Variants in TIAM1 observed in about 807,000 individuals in gnomAD.
The protein encoded by TIAM1 is rho guanine nucleotide exchange factor TIAM1.
Under a neutral mutation model 163.5 loss-of-function variants are expected in TIAM1, and 65 were observed. The observed-to-expected ratio is 0.40, with a 90% CI of 0.33 to 0.49. TIAM1 has a LOEUF of 0.49. Ranked by LOEUF, TIAM1 falls within the 20% of genes least tolerant of loss-of-function variation. The pLI is 0.77. For missense variants in TIAM1, 1,789 were observed against 2,044.7 expected (o/e 0.87, Z 2.41); for synonymous variants, 833 against 810.1 (o/e 1.03, Z -0.48).
chr21:31,227,970 T>G (rs2088087651), intron 6 of TIAM1, among the ~76,000 whole-genome samples: 1 of 151,808 alleles, frequency 6.6e-6, no homozygotes, highest in East Asian at 1.9e-4. Flanking sequence ...TGGCGCGATC[T>G]CAGTTCACTG....
At chr21:31,344,320 C>G (rs529395510), upstream of TIAM1, 1 of 152,154 alleles carries the variant, frequency 6.6e-6, no homozygotes, top group Admixed American at 6.6e-5. Flanking sequence ...GTTGGTCGCT[C>G]CTCCCTTCCT....
intron 2 of TIAM1, among the ~76,000 whole-genome samples, chr21:31,277,235 A>T (rs1485670797): frequency 6.6e-6 from 1 of 152,144 alleles, no homozygotes; most frequent in East Asian, 1.9e-4. Context: ...AAACCCACCA[A>T]AACCAAGATC....
chr21:31,174,204 G>A (rs1382515613), intron 15 of TIAM1, among the ~76,000 whole-genome samples: 2 of 152,172 alleles, frequency 1.3e-5, no homozygotes, highest in African/African-American at 4.8e-5. Flanking sequence ...CATCTCCATG[G>A]AACATCAGAC....
intron 15 of TIAM1, among the ~76,000 whole-genome samples, chr21:31,166,894 C>T (rs1160909321): frequency 1.3e-5 from 2 of 152,104 alleles, no homozygotes; most frequent in African/African-American, 2.4e-5. Context: ...CTCAGTGGGA[C>T]GTCCGGAGCA....
chr21:31,326,921 C>A (rs773313417), intron 2 of TIAM1, among the ~76,000 whole-genome samples: 1 of 152,184 alleles, frequency 6.6e-6, no homozygotes, highest in Admixed American at 6.5e-5. Flanking sequence ...GTTTACCACA[C>A]GCCACTTAAA....
chr21:31,423,387 C>T lies in TIAM1; in HGVS notation c.-369+40596G>A, dbSNP rs924584077. On this transcript the variant is annotated intron_variant, in intron 2 of 28. Transcript: ENST00000286827. ...CGCTGGGATTACAGGCGTGAGCCAC[C>T]GCGCCCAGCCTGGCACTATCTTGAA... Among the ~76,000 whole-genome samples the T allele has an allele frequency of 7.2e-5, 11 of 152,018 alleles. No homozygotes were observed. In the East Asian group the frequency reaches 1.4e-3, roughly 19 times the overall value.
At chr21:31,475,062 T>TTA (rs374227573) in intron 1 of TIAM1, among the ~76,000 whole-genome samples, 6,174 of 75,784 alleles carry the variant, frequency 0.081, 191 homozygotes, top group Non-Finnish European at 0.1. Context: ...ATTATTATTA[T>TTA]TTAGTTTTAG....
chr21:31,505,675 A>C (rs1162740145), intron 1 of TIAM1, among the ~76,000 whole-genome samples: 1 of 152,172 alleles, frequency 6.6e-6, no homozygotes, highest in Admixed American at 6.6e-5. Flanking sequence ...AGATGGAAAG[A>C]TCATCAAAGG....
intron 2 of TIAM1, among the ~76,000 whole-genome samples, chr21:31,375,869 A>T (rs1345602825): frequency 6.6e-6 from 1 of 152,048 alleles, no homozygotes; most frequent in East Asian, 1.9e-4. Context: ...TCTACTAAAA[A>T]TACAAAAATT....
chr21:31,310,035 T>G (rs1308331331), intron 2 of TIAM1, among the ~76,000 whole-genome samples: 1 of 152,202 alleles, frequency 6.6e-6, no homozygotes, highest in Admixed American at 6.5e-5. Context: ...CACTTCACCT[T>G]AAGATTAAGT....
At chr21:31,455,557 C>A (rs1051790573) in intron 2 of TIAM1, among the ~76,000 whole-genome samples, 12 of 151,978 alleles carry the variant, frequency 7.9e-5, no homozygotes, top group Non-Finnish European at 1.5e-4. Flanking sequence ...GGATTACAGG[C>A]ACCTGCCATG....
chr21:31,438,316 C>T (rs559062900), intron 2 of TIAM1, among the ~76,000 whole-genome samples: 3 of 150,726 alleles, frequency 2.0e-5, no homozygotes, highest in Non-Finnish European at 4.4e-5. Flanking sequence ...CTCAGCCTCC[C>T]AAGTAGCTGG....
At chr21:31,210,572 A>G (rs1026566555) in intron 10 of TIAM1, among the ~76,000 whole-genome samples, 1 of 121,708 alleles carries the variant, frequency 8.2e-6, no homozygotes, top group Non-Finnish European at 1.6e-5. Context: ...GAAAGAAAGA[A>G]AGAAAGAAAG....
intron 1 of TIAM1, among the ~76,000 whole-genome samples, chr21:31,498,943 C>G (rs910642570): frequency 9.7e-6 from 1 of 102,992 alleles, no homozygotes; most frequent in Admixed American, 1.5e-4. Flanking sequence ...GAGACTCCAT[C>G]AAAAGAAGAA....
intron 1 of TIAM1, among the ~76,000 whole-genome samples, chr21:31,510,447 G>A (rs374032446): frequency 1.3e-3 from 202 of 152,278 alleles, no homozygotes; most frequent in African/African-American, 4.7e-3. Flanking sequence ...ACATTCTGGC[G>A]TAATGAGGGT....
At chr21:31,443,769 T>C (rs1308194620) in intron 2 of TIAM1, among the ~76,000 whole-genome samples, 2 of 152,248 alleles carry the variant, frequency 1.3e-5, no homozygotes, top group South Asian at 2.1e-4. Flanking sequence ...GTTTCTACAA[T>C]GAGCCCTGAA....
intron 5 of TIAM1, among the ~76,000 whole-genome samples, chr21:31,247,546 A>C (rs2300345): frequency 0.26 from 39,550 of 151,380 alleles, 7,894 homozygotes; most frequent in African/African-American, 0.54. Flanking sequence ...AGGCATATAC[A>C]ACCATACCTG....
chr21:31,272,286 T>C (rs2246729), intron 3 of TIAM1, among the ~76,000 whole-genome samples: 18,355 of 152,078 alleles, frequency 0.12, 1,688 homozygotes, highest in East Asian at 0.41. Flanking sequence ...ACCGTAAAGT[T>C]AAAAAAACAC....
At chr21:31,194,718 A>G (rs1479917634) in intron 13 of TIAM1, among the ~76,000 whole-genome samples, 2 of 152,204 alleles carry the variant, frequency 1.3e-5, no homozygotes, top group Non-Finnish European at 2.9e-5. Flanking sequence ...AGTCAACAAA[A>G]TAAGTAGGTC....
Sources: gnomAD v4.1 joint callset for allele counts (sites outside exome capture counted in the v4.1 genomes callset) on GRCh38, gnomAD v4.1.1 for gene constraint, MANE v1.5 for transcripts, NCBI Gene and HGNC (gene_info 2026-07-23, HGNC 2026-07-21) for gene names.